Variants in WASHC5 observed in about 807,000 individuals in gnomAD.
WASHC5 encodes WASH complex subunit 5.
A neutral mutation model predicts 150.4 loss-of-function variants in WASHC5; 101 were observed. The observed-to-expected ratio is 0.67, with a 90% CI of 0.57 to 0.79. WASHC5 has a LOEUF of 0.79. Ranked by LOEUF, WASHC5 falls within the 30% of genes least tolerant of loss-of-function variation. The probability of loss-of-function intolerance (pLI) is 0.00; values close to 1 mark genes in which losing one functional copy is unlikely to be tolerated. For synonymous variants in WASHC5, 467 were observed against 491.2 expected (o/e 0.95, Z 0.65); for missense variants, 1,195 against 1,396.3 (o/e 0.86, Z 2.30).
At chr8:125,062,150 G>A (rs563427769) in intron 11 of WASHC5, among the ~76,000 whole-genome samples, 23 of 152,232 alleles carry the variant, frequency 1.5e-4, no homozygotes, top group African/African-American at 5.5e-4. Flanking sequence ...GGGCAGCGAT[G>A]GAGTAGTAGA....
intron 20 of WASHC5, chr8:125,044,960 G>A: frequency 2.1e-6 from 1 of 478,150 alleles, no homozygotes; most frequent in Non-Finnish European, 3.8e-6. Context: ...GAGTTAGGGT[G>A]TTGACTTGGA....
intron 12 of WASHC5, among the ~76,000 whole-genome samples, chr8:125,060,511 T>G (rs940354141): frequency 6.6e-6 from 1 of 152,014 alleles, no homozygotes; most frequent in African/African-American, 2.4e-5. Context: ...AGTTTATGAT[T>G]ATTTTTCTGC....
rs563539784 is a variant in WASHC5 at position 125,027,248 on chromosome 8, T to C, written c.3423+1372A>G. On this transcript the variant is annotated intron_variant, in intron 28 of 28. Transcript: ENST00000318410. ...ATTGGGTATTCAAGGAAGACAGTTATGCAGCAATCCCACTACTGGGTAACT... is the reference window on the plus strand; with the variant it reads ...ATTGGGTATTCAAGGAAGACAGTTACGCAGCAATCCCACTACTGGGTAACT... 5.9e-5 allele frequency among the ~76,000 whole-genome samples: 9 copies of C among 152,330 alleles called. No homozygotes were observed. The East Asian group carries it at 1.5e-3, about 26-fold the overall frequency.
chr8:125,043,191 G>A (rs1815947167), intron 23 of WASHC5, among the ~76,000 whole-genome samples: 1 of 152,190 alleles, frequency 6.6e-6, no homozygotes, highest in African/African-American at 2.4e-5. Context: ...GGGCTGTGAT[G>A]ATCTCAGATT....
chr8:125,064,502 A>G (rs934116299), intron 10 of WASHC5, among the ~76,000 whole-genome samples: 5 of 151,536 alleles, frequency 3.3e-5, no homozygotes, highest in Admixed American at 2.0e-4. Context: ...GATTATAGGC[A>G]TGAGCCACTG....
intron 26 of WASHC5, among the ~76,000 whole-genome samples, chr8:125,035,614 G>A (rs2288311): frequency 0.01 from 1,525 of 152,246 alleles, 24 homozygotes; most frequent in Middle Eastern, 0.027. Context: ...TAGGTGATAA[G>A]TGGTGAAGCC....
intron 26 of WASHC5, among the ~76,000 whole-genome samples, chr8:125,036,337 T>G (rs1180620868): frequency 6.6e-6 from 1 of 152,170 alleles, no homozygotes; most frequent in Non-Finnish European, 1.5e-5. Context: ...AGCTGGACAA[T>G]GAACCCTTAC....
At chr8:125,041,558 T>C (rs112849989) in intron 23 of WASHC5, among the ~76,000 whole-genome samples, 1,952 of 152,210 alleles carry the variant, frequency 0.013, 35 homozygotes, top group African/African-American at 0.045. Context: ...TGAGAAACAC[T>C]TGAACCCAGG....
intron 8 of WASHC5, 99 bp downstream of exon 8, chr8:125,074,899 G>A (rs1327326466): frequency 2.5e-6 from 2 of 785,028 alleles, no homozygotes; most frequent in Non-Finnish European, 4.6e-6. Context: ...TTATCTAAGT[G>A]ATTATCTTCC....
chr8:125,064,291 C>T (rs1816685930), intron 10 of WASHC5, among the ~76,000 whole-genome samples: 1 of 152,106 alleles, frequency 6.6e-6, no homozygotes. Context: ...CAACCTTGAA[C>T]TCCTGGGTTC....
chr8:125,044,567 A>C lies in WASHC5; in HGVS notation c.2636T>G (p.Leu879Arg). 1 of 1,614,176 alleles carries C rather than the reference A, an allele frequency of 6.2e-7. No individual in the cohort carries two copies. The highest frequency in any genetic ancestry group is 8.5e-7 in the Non-Finnish European group (1 of 1,179,984). ...CTCTTTTACAATCATAAAGCACAGA[A>C]GCCTGTCTAAGCCATTTAGACCAAA... ...GTFGLNGLDR[L>R]LCFMIVKELQ... The change falls in exon 21 of 29, where the codon CTT becomes CGT. Residue 879 changes from leucine (L) to arginine (R), a missense_variant. This residue lies in a region of WASHC5 where 997 missense variants were observed against 1,168.1 expected (regional missense o/e 0.85). Coordinates refer to ENST00000318410, the MANE Select transcript of WASHC5 (RefSeq NM_014846.4).
rs878854986 is a variant in WASHC5, at chr8:125,061,202, T to G, written c.1409-8A>C. On this transcript the variant is annotated splice_region_variant and splice_polypyrimidine_tract_variant and intron_variant, in intron 11 of 28. Coordinates refer to ENST00000318410, the MANE Select transcript of WASHC5 (RefSeq NM_014846.4). Reference sequence around the variant, plus strand: ...ACCAAGCTTGAAGGTTTTCTAGTAATACAGAAATAAGAAAATACTGAAATC... The same window carrying G: ...ACCAAGCTTGAAGGTTTTCTAGTAAGACAGAAATAAGAAAATACTGAAATC... 5 of 1,420,224 alleles carry G rather than the reference T, an allele frequency of 3.5e-6. No individual in the cohort carries two copies. Among genetic ancestry groups the G allele is most frequent in the Non-Finnish European group, 5.0e-6 (5 of 1,004,148 alleles). The allele number at this position is 1,420,224 out of a possible 1,614,324, so 88.0% of individuals were successfully genotyped here.
chr8:125,063,332 T>C (rs1418545489), intron 11 of WASHC5, among the ~76,000 whole-genome samples, 190 bp downstream of exon 11: 3 of 152,160 alleles, frequency 2.0e-5, no homozygotes, highest in African/African-American at 7.2e-5. Context: ...AATATGAACA[T>C]TGCCCAAGAG....
chr8:125,060,559 A>G (rs1211281379), intron 12 of WASHC5, among the ~76,000 whole-genome samples: 1 of 152,156 alleles, frequency 6.6e-6, no homozygotes, highest in East Asian at 1.9e-4. Context: ...TTAAATACAC[A>G]ATTAAAATTT....
chr8:125,033,116 G>A (rs915202978), intron 26 of WASHC5, among the ~76,000 whole-genome samples: 7 of 152,102 alleles, frequency 4.6e-5, no homozygotes, highest in Admixed American at 4.6e-4. Context: ...ACCTCTGCCT[G>A]GGTGGCTGCA....
At chr8:125,088,287 T>C (rs1817478221) in intron 1 of WASHC5, among the ~76,000 whole-genome samples, 1 of 150,848 alleles carries the variant, frequency 6.6e-6, no homozygotes, top group Admixed American at 6.6e-5. Context: ...TAGCCAGGCA[T>C]GGTGGCAAAA....
chr8:125,024,735 T>C, intron 28 of WASHC5, 62 bp from the exon 29 acceptor site: 1 of 1,131,692 alleles, frequency 8.8e-7, no homozygotes, highest in Non-Finnish European at 1.3e-6. Flanking sequence ...AAAATTTTCA[T>C]ACGTAAAAGA....
At chr8:125,061,438 A>G (rs1358171744) in intron 11 of WASHC5, among the ~76,000 whole-genome samples, 2 of 152,232 alleles carry the variant, frequency 1.3e-5, no homozygotes, top group Non-Finnish European at 2.9e-5. Flanking sequence ...TGCATGCTAT[A>G]AAGTGTAGAG....
chr8:125,081,380 G>A (rs566439493), intron 5 of WASHC5, among the ~76,000 whole-genome samples: 4 of 151,838 alleles, frequency 2.6e-5, no homozygotes, highest in Middle Eastern at 3.2e-3. Flanking sequence ...TGGAATTACA[G>A]GCGCCCACCA....
Sources: allele counts gnomAD v4.1 joint callset (sites outside exome capture counted in the v4.1 genomes callset), GRCh38; gene constraint gnomAD v4.1.1; regional missense constraint gnomAD v4.1.1; transcripts MANE v1.5; gene names NCBI Gene and HGNC (gene_info 2026-07-23, HGNC 2026-07-21).